The following ATL1 variants were observed in gnomAD, a reference collection of about 807,000 sequenced individuals.
ATL1 encodes the protein atlastin-1.
Under a neutral mutation model 75.5 loss-of-function variants are expected in ATL1, and 31 were observed. The observed-to-expected ratio is 0.41, with a 90% CI of 0.31 to 0.55. The LOEUF (loss-of-function observed/expected upper bound fraction) is 0.55, where lower values mean the gene tolerates loss of function less well. Ranked by LOEUF, ATL1 falls within the 20% of genes least tolerant of loss-of-function variation. The pLI, the probability that ATL1 is intolerant of heterozygous loss-of-function variation, is 0.27. For synonymous variants in ATL1, 226 were observed against 233.3 expected (o/e 0.97, Z 0.28); for missense variants, 405 against 662.6 (o/e 0.61, Z 4.27).
rs111677408 is a variant in ATL1 at position 50,614,274 on chromosome 14, T to C, written c.724-99T>C. 243 of 1,340,684 alleles carry C rather than the reference T, an allele frequency of 1.8e-4. 1 individual carries two copies. Among genetic ancestry groups the C allele is most frequent in the African/African-American group, 1.5e-3 (107 of 69,218 alleles). The allele number at this position is 1,340,684 out of a possible 1,614,324, so 83.0% of individuals were successfully genotyped here. ...CAGCCCTGTCGTGTCATTTTCATCATTGTGGGACCAAACAGACATAGCAAA... is the reference window on the plus strand; with the variant it reads ...CAGCCCTGTCGTGTCATTTTCATCACTGTGGGACCAAACAGACATAGCAAA... On this transcript the variant is annotated intron_variant, in intron 7 of 13. Coordinates refer to ENST00000358385, the MANE Select transcript of ATL1 (RefSeq NM_015915.5).
intron 1 of ATL1, among the ~76,000 whole-genome samples, chr14:50,539,678 C>G (rs907961015): frequency 4.6e-5 from 7 of 152,140 alleles, no homozygotes; most frequent in African/African-American, 9.7e-5. Context: ...CAGTATAGCC[C>G]TAATGGGGAA....
chr14:50,612,242 C>T (rs926076677), intron 6 of ATL1, among the ~76,000 whole-genome samples: 4 of 151,968 alleles, frequency 2.6e-5, no homozygotes, highest in African/African-American at 9.7e-5. Context: ...ACGTGGTTAC[C>T]CTTGAGCAAG....
At chr14:50,586,019 A>G (rs1274459412) in intron 1 of ATL1, among the ~76,000 whole-genome samples, 3 of 152,198 alleles carry the variant, frequency 2.0e-5, no homozygotes, top group African/African-American at 7.2e-5. Flanking sequence ...TTTATAGATG[A>G]ACAGCAATAA....
upstream of ATL1, among the ~76,000 whole-genome samples, chr14:50,555,431 G>A (rs146777113): frequency 6.1e-3 from 927 of 152,168 alleles, 13 homozygotes; most frequent in African/African-American, 0.02. Flanking sequence ...ACAGGTGCAC[G>A]CCACCCGTCC....
At chr14:50,615,172 C>CA (rs1365433547) in intron 8 of ATL1, among the ~76,000 whole-genome samples, 1 of 152,110 alleles carries the variant, frequency 6.6e-6, no homozygotes, top group Admixed American at 6.5e-5. Flanking sequence ...TAATCTTTCC[C>CA]AAAAGATATC....
intron 7 of ATL1, 56 bp downstream of exon 7, chr14:50,613,407 T>C (rs1424240824): frequency 1.5e-6 from 2 of 1,348,446 alleles, no homozygotes; most frequent in Non-Finnish European, 1.1e-6. Flanking sequence ...ATTATTTCTG[T>C]TGGATCATTT....
At chr14:50,591,172 A>G (rs1260264096) in intron 3 of ATL1, 97 bp downstream of exon 3, 8 of 1,252,020 alleles carry the variant, frequency 6.4e-6, no homozygotes, top group Non-Finnish European at 7.9e-6. Context: ...ATTAATTTTG[A>G]CCATTTGACA....
intron 1 of ATL1, among the ~76,000 whole-genome samples, chr14:50,546,632 A>G (rs1313749127): frequency 6.6e-6 from 1 of 152,142 alleles, no homozygotes; most frequent in Non-Finnish European, 1.5e-5. Flanking sequence ...AGGTTTACTG[A>G]TTAGGTAAGT....
intron 13 of ATL1, among the ~76,000 whole-genome samples, chr14:50,631,865 T>G (rs1001969037): frequency 1.3e-5 from 2 of 152,136 alleles, no homozygotes; most frequent in Non-Finnish European, 2.9e-5. Flanking sequence ...GCATAATAGT[T>G]ACTGCCAATC....
At chr14:50,564,720 A>AC (rs764750594) in intron 1 of ATL1, among the ~76,000 whole-genome samples, 7 of 151,258 alleles carry the variant, frequency 4.6e-5, no homozygotes, top group Non-Finnish European at 1.0e-4. Flanking sequence ...GCAGCAAAGT[A>AC]TCAGCTTTGA....
At chr14:50,533,656 A>T (rs1248664140) in intron 1 of ATL1, among the ~76,000 whole-genome samples, 1 of 152,204 alleles carries the variant, frequency 6.6e-6, no homozygotes, top group African/African-American at 2.4e-5. Context: ...ACACTCAGCC[A>T]CTGCATTTAG....
intron 1 of ATL1, among the ~76,000 whole-genome samples, chr14:50,533,801 G>A (rs1331657208): frequency 6.6e-6 from 1 of 151,972 alleles, no homozygotes; most frequent in East Asian, 1.9e-4. Context: ...AGGAGTAATT[G>A]ACAATACTCC....
intron 6 of ATL1, among the ~76,000 whole-genome samples, chr14:50,605,104 G>C (rs979190969): frequency 6.6e-6 from 1 of 151,820 alleles, no homozygotes; most frequent in Admixed American, 6.6e-5. Flanking sequence ...TGGAAGGATT[G>C]ATCTGCCCTC....
At chr14:50,548,034 C>A (rs780166432) in intron 1 of ATL1, among the ~76,000 whole-genome samples, 46 of 152,232 alleles carry the variant, frequency 3.0e-4, no homozygotes, top group Middle Eastern at 3.4e-3. Flanking sequence ...GTGGAGACTA[C>A]CCTACAAACC....
At chr14:50,584,175 G>T (rs146985707) in intron 1 of ATL1, among the ~76,000 whole-genome samples, 137 of 152,082 alleles carry the variant, frequency 9.0e-4, no homozygotes, top group Non-Finnish European at 1.7e-3. Flanking sequence ...AGGAATTTGA[G>T]ACCAGCCTGA....
intron 1 of ATL1, among the ~76,000 whole-genome samples, chr14:50,550,264 C>G (rs1380459649): frequency 1.3e-5 from 2 of 152,210 alleles, no homozygotes; most frequent in Non-Finnish European, 2.9e-5. Flanking sequence ...TAAGCCAGAA[C>G]TGAAGCCTGT....
chr14:50,610,481 T>C (rs1364490426), intron 6 of ATL1, among the ~76,000 whole-genome samples: 2 of 152,240 alleles, frequency 1.3e-5, no homozygotes, highest in African/African-American at 2.4e-5. Flanking sequence ...TACTGCTTCT[T>C]GGAAAACCAT....
At chr14:50,590,182 T>G (rs116294275) in intron 2 of ATL1, among the ~76,000 whole-genome samples, 233 of 152,330 alleles carry the variant, frequency 1.5e-3, no homozygotes, top group Middle Eastern at 0.01. Flanking sequence ...TTTTGACCTT[T>G]ATTATAGCAC....
intron 13 of ATL1, among the ~76,000 whole-genome samples, chr14:50,630,641 G>A (rs1390022137): frequency 2.0e-5 from 3 of 152,156 alleles, no homozygotes; most frequent in South Asian, 2.1e-4. Context: ...ATTATCTTCA[G>A]GAAGCAAAGC....
Sources: allele counts gnomAD v4.1 joint callset (sites outside exome capture counted in the v4.1 genomes callset), GRCh38; gene constraint gnomAD v4.1.1; transcripts MANE v1.5; gene names NCBI Gene and HGNC (gene_info 2026-07-23, HGNC 2026-07-21).